Variants in INPP5B observed in about 807,000 individuals in gnomAD.
The protein encoded by INPP5B is inositol polyphosphate-5-phosphatase B, also known as type II inositol 1,4,5-trisphosphate 5-phosphatase.
Under a neutral mutation model 118.5 loss-of-function variants are expected in INPP5B, and 90 were observed. The ratio of observed to expected loss-of-function variants is 0.76; its 90% CI spans 0.64 to 0.90. The LOEUF (loss-of-function observed/expected upper bound fraction) is 0.90, where lower values mean the gene tolerates loss of function less well. Ranked by LOEUF, INPP5B falls within the 40% of genes least tolerant of loss-of-function variation. INPP5B has a pLI of 0.00. For missense variants in INPP5B, 984 were observed against 1,125.6 expected (o/e 0.87, Z 1.80); for synonymous variants, 385 against 418.9 (o/e 0.92, Z 0.99).
intron 7 of INPP5B, among the ~76,000 whole-genome samples, chr1:37,894,857 T>G (rs561395812): frequency 6.6e-6 from 1 of 152,204 alleles, no homozygotes; most frequent in South Asian, 2.1e-4. Context: ...GTGCCTTATA[T>G]GTTTAAATAC....
chr1:37,888,296 G>A lies in INPP5B; in HGVS notation c.846C>T (p.Cys282=), dbSNP rs372577057. 41 of 1,579,712 alleles carry A rather than the reference G, an allele frequency of 2.6e-5. No individual in the cohort carries two copies. In the African/African-American group the frequency reaches 4.2e-4, roughly 16 times the overall value. ...YNVNGQSPKE[C]LRLWLSNGIQ... ...TACCATTGCTCAGCCACAGCCGGAG[G>A]CATTCTTTGGGGGACTGCCCATTTA... The change falls in exon 10 of 24, where the codon TGC becomes TGT. Residue 282 remains cysteine, a synonymous_variant. Transcript: ENST00000373024.
intron 7 of INPP5B, among the ~76,000 whole-genome samples, chr1:37,924,300 C>A (rs1026533611): frequency 6.6e-6 from 1 of 151,864 alleles, no homozygotes; most frequent in Non-Finnish European, 1.5e-5. Context: ...TCTTGACTAG[C>A]TGGGACTACA....
At chr1:37,895,289 A>C (rs989483264) in intron 7 of INPP5B, among the ~76,000 whole-genome samples, 1 of 152,200 alleles carries the variant, frequency 6.6e-6, no homozygotes, top group Non-Finnish European at 1.5e-5. Context: ...AAAGTTAAAC[A>C]GTCTTACCAT....
Position 37,875,698 on chromosome 1 carries a change from C to G in INPP5B, c.1696G>C (p.Glu566Gln), listed in dbSNP as rs980841017. ...TCCTCCAGTGTCTTCCGGTAAAGCT[C>G]GTCATTTACGACCCTCACCTGAAAG... is the stretch of plus-strand genomic sequence containing the variant. The part of the protein sequence containing the change: ...FDIGVRVVND[E>Q]LYRKTLEEIV... Residue 566 changes from glutamate (E) to glutamine (Q), a missense_variant, in exon 17 of 24, where the codon GAG (glutamate) becomes CAG (glutamine). Physicochemically the swap from Glu to Gln is conservative, Grantham distance 29 (BLOSUM62 2). Transcript: ENST00000373024. The G allele has an allele frequency of 6.2e-7, 1 of 1,613,946 alleles. No individual in the cohort carries two copies.
In INPP5B at chr1:37,864,424, C is replaced by G. The variant is rs1048306037; in HGVS notation, c.2515-1G>C. 1 of 1,566,318 alleles carries G rather than the reference C, an allele frequency of 6.4e-7. No homozygotes were observed. The highest frequency in any genetic ancestry group is 1.3e-5 in the African/African-American group (1 of 74,082). ...GGAATATGGGGAGAGTAGAAATGAC[C>G]TGAAAGAGGAAGAACCGGGATTTGT... is the stretch of plus-strand genomic sequence containing the variant. On this transcript the variant is annotated splice_acceptor_variant, in intron 22 of 23. Coordinates refer to ENST00000373024, the MANE Select transcript of INPP5B (RefSeq NM_005540.3). LOFTEE classifies it high-confidence loss of function.
intron 16 of INPP5B, among the ~76,000 whole-genome samples, chr1:37,877,094 C>T (rs561865693): frequency 5.5e-4 from 82 of 149,626 alleles, no homozygotes; most frequent in Non-Finnish European, 1.8e-4. Flanking sequence ...AGGCTGGGAG[C>T]GGTGGCTCAT....
chr1:37,876,703 C>CA (rs754849945), intron 16 of INPP5B, among the ~76,000 whole-genome samples: 1,039 of 80,782 alleles, frequency 0.013, 55 homozygotes, highest in African/African-American at 0.039. Context: ...ACTAAAAATA[C>CA]AAAAAAAAAA....
intron 17 of INPP5B, among the ~76,000 whole-genome samples, chr1:37,875,237 G>A (rs1323754638): frequency 6.6e-6 from 1 of 152,086 alleles, no homozygotes; most frequent in Non-Finnish European, 1.5e-5. Context: ...AATAGATGAG[G>A]AGATTTAAGC....
intron 8 of INPP5B, 22 bp downstream of exon 8, chr1:37,891,336 A>G: frequency 6.3e-7 from 1 of 1,575,942 alleles, no homozygotes; most frequent in East Asian, 2.2e-5. Flanking sequence ...ACAAGGGACA[A>G]GTGAAGGGAG....
intron 7 of INPP5B, among the ~76,000 whole-genome samples, chr1:37,915,787 T>G (rs888762233): frequency 2.6e-5 from 4 of 152,208 alleles, no homozygotes; most frequent in South Asian, 2.1e-4. Flanking sequence ...TAATAACATG[T>G]TTTTTGTGTT....
rs767322525 is a variant in INPP5B at position 37,946,250 on chromosome 1, A to G, written c.57+2T>C. ...GGGCCGCAGTTAGCACAGGAAGGAT[A>G]TGATGACGCAGTATTCCCCCTCAGC... On this transcript the variant is annotated splice_donor_variant, in intron 2 of 23. Coordinates refer to ENST00000373024, the MANE Select transcript of INPP5B (RefSeq NM_005540.3). LOFTEE classifies it high-confidence loss of function. The G allele has an allele frequency of 5.0e-6, 8 of 1,610,044 alleles. No homozygotes were observed. The Admixed American group carries it at 1.3e-4, about 27-fold the overall frequency.
intron 23 of INPP5B, among the ~76,000 whole-genome samples, chr1:37,863,760 CT>C (rs1349984528): frequency 6.6e-6 from 1 of 151,170 alleles, no homozygotes; most frequent in Non-Finnish European, 1.5e-5. Flanking sequence ...CTTATGGGCC[CT>C]CCATCGTATA....
At chr1:37,887,585 G>A in intron 10 of INPP5B, 120 bp from the exon 11 acceptor site, 1 of 607,918 alleles carries the variant, frequency 1.6e-6, no homozygotes, top group South Asian at 2.1e-5. Flanking sequence ...CCCTCAGGAG[G>A]AAAAAATAAA....
chr1:37,931,720 C>A (rs1332986886), intron 7 of INPP5B, 193 bp downstream of exon 7: 1 of 1,560,294 alleles, frequency 6.4e-7, no homozygotes, highest in Admixed American at 1.8e-5. Flanking sequence ...CATTTCCCTG[C>A]CTGCTTCCTC....
chr1:37,870,231 TC>T (rs1642329512), intron 19 of INPP5B, among the ~76,000 whole-genome samples: 1 of 152,008 alleles, frequency 6.6e-6, no homozygotes, highest in Non-Finnish European at 1.5e-5. Flanking sequence ...CACCTTGGCT[TC>T]CCAAGTAGCT....
In INPP5B at chr1:37,866,385, T is replaced by TTCTC. The variant is rs57019964; in HGVS notation, c.2386+70_2386+73dup. On this transcript the variant is annotated intron_variant, in intron 21 of 23. Coordinates refer to ENST00000373024, the MANE Select transcript of INPP5B (RefSeq NM_005540.3). Reference sequence around the variant, plus strand: ...CTTTTTCTCACCCCTCTCACTCATATTCTCTCTCTCTCTCTCTCTCTCACA... The same window carrying TTCTC: ...CTTTTTCTCACCCCTCTCACTCATATTCTCTCTCTCTCTCTCTCTCTCTCTCACA... 32,105 of 598,998 alleles carry TTCTC rather than the reference T, an allele frequency of 0.054. 502 individuals carry two copies. Among genetic ancestry groups the TTCTC allele is most frequent in the Admixed American group, 0.067 (2,639 of 39,584 alleles). The allele number at this position is 598,998 out of a possible 1,614,324, so 37.1% of individuals were successfully genotyped here.
At chr1:37,924,510 G>A (rs1039109511) in intron 7 of INPP5B, among the ~76,000 whole-genome samples, 1 of 152,042 alleles carries the variant, frequency 6.6e-6, no homozygotes, top group East Asian at 1.9e-4. Flanking sequence ...ATGAAAGCAC[G>A]TCTAAATAAT....
intron 7 of INPP5B, among the ~76,000 whole-genome samples, chr1:37,916,415 T>C (rs1644865200): frequency 6.6e-6 from 1 of 150,940 alleles, no homozygotes; most frequent in Non-Finnish European, 1.5e-5. Context: ...TCTTTCATTT[T>C]TTTTTTTTTC....
intron 10 of INPP5B, 22 bp from the exon 11 acceptor site, chr1:37,887,487 T>TA (rs776864538): frequency 7.1e-7 from 1 of 1,401,966 alleles, no homozygotes; most frequent in Admixed American, 1.8e-5. Flanking sequence ...AGCAACCAGT[T>TA]AGATAGTAAA....
Sources: gnomAD v4.1 joint callset for allele counts (sites outside exome capture counted in the v4.1 genomes callset) on GRCh38, gnomAD v4.1.1 for gene constraint, MANE v1.5 for transcripts, NCBI Gene and HGNC (gene_info 2026-07-23, HGNC 2026-07-21) for gene names.